TSHZ2: variants seen among roughly 807,000 people sequenced by gnomAD.
TSHZ2 encodes the protein teashirt zinc finger homeobox 2, also known as teashirt homolog 2.
Under a neutral mutation model 74.4 loss-of-function variants are expected in TSHZ2, and 21 were observed. The observed-to-expected ratio is 0.28, with a 90% CI of 0.20 to 0.41. TSHZ2 has a LOEUF of 0.41. Ranked by LOEUF, TSHZ2 falls within the 10% of genes least tolerant of loss-of-function variation. The pLI, the probability that TSHZ2 is intolerant of heterozygous loss-of-function variation, is 1.00. For synonymous variants in TSHZ2, 540 were observed against 515.3 expected (o/e 1.05, Z -0.65); for missense variants, 1,244 against 1,293.5 (o/e 0.96, Z 0.59).
intron 2 of TSHZ2, among the ~76,000 whole-genome samples, chr20:53,484,135 G>A (rs1466259083): frequency 6.6e-6 from 1 of 152,112 alleles, no homozygotes; most frequent in Non-Finnish European, 1.5e-5. Context: ...TTCTAGACCT[G>A]CCAGAGGATC....
At chr20:53,310,077 C>A (rs1227054289) in intron 2 of TSHZ2, among the ~76,000 whole-genome samples, 1 of 152,184 alleles carries the variant, frequency 6.6e-6, no homozygotes, top group South Asian at 2.1e-4. Context: ...TTCTTTTAAA[C>A]AAGTATTCTA....
chr20:53,171,706 G>C (rs1320560703), intron 1 of TSHZ2, among the ~76,000 whole-genome samples: 1 of 151,876 alleles, frequency 6.6e-6, no homozygotes, highest in Admixed American at 6.5e-5. Context: ...AAATAATTTT[G>C]TTGACTTTTC....
At chr20:53,004,343 A>G (rs998423027) in intron 1 of TSHZ2, among the ~76,000 whole-genome samples, 1 of 152,194 alleles carries the variant, frequency 6.6e-6, no homozygotes, top group African/African-American at 2.4e-5. Flanking sequence ...CTGATAGTGA[A>G]GACAAACTGA....
Position 53,253,784 on chromosome 20 carries a change from A to G in TSHZ2, c.326A>G (p.His109Arg), listed in dbSNP as rs749324690. 1 of 1,614,172 alleles carries G rather than the reference A, an allele frequency of 6.2e-7. No individual in the cohort carries two copies. Among genetic ancestry groups the G allele is most frequent in the Middle Eastern group, 1.6e-4 (1 of 6,062 alleles). The change falls in exon 2 of 3, where the codon CAC (histidine) becomes CGC (arginine). Residue 109 changes from histidine to arginine, a missense_variant. Transcript: ENST00000371497. ...CGRDASDKKAHTHVRLPNEAH... is the reference protein window; with the variant it reads ...CGRDASDKKARTHVRLPNEAH... ...AGAGATGCCTCAGACAAGAAAGCAC[A>G]CACTCACGTCAGGCTTCCAAACGAA...
At chr20:53,055,880 T>C (rs553230333) in intron 1 of TSHZ2, among the ~76,000 whole-genome samples, 85 of 152,332 alleles carry the variant, frequency 5.6e-4, no homozygotes, top group African/African-American at 1.9e-3. Context: ...CATGGCTGCT[T>C]TTGTGCTACC....
At chr20:53,155,214 A>G (rs979458027) in intron 1 of TSHZ2, among the ~76,000 whole-genome samples, 6 of 151,950 alleles carry the variant, frequency 3.9e-5, no homozygotes, top group African/African-American at 1.4e-4. Flanking sequence ...TTATTGTATC[A>G]ATTGTTTGAC....
chr20:53,442,461 A>G (rs1341007900), intron 2 of TSHZ2, among the ~76,000 whole-genome samples: 1 of 152,190 alleles, frequency 6.6e-6, no homozygotes, highest in East Asian at 1.9e-4. Context: ...GGGCTTAGGT[A>G]GACAGAGGGA....
chr20:53,448,533 C>T (rs1479610896), intron 2 of TSHZ2, among the ~76,000 whole-genome samples: 4 of 152,266 alleles, frequency 2.6e-5, no homozygotes, highest in South Asian at 4.2e-4. Flanking sequence ...TCTGTGTTTC[C>T]TCAAAATAAA....
intron 1 of TSHZ2, among the ~76,000 whole-genome samples, chr20:53,133,969 G>GGAAAA (rs561152326): frequency 7.8e-6 from 1 of 127,924 alleles, no homozygotes; most frequent in Middle Eastern, 4.2e-3. Flanking sequence ...CATTTTTTCT[G>GGAAAA]AAAAAAAAAA....
chr20:53,114,652 A>G (rs8117683), intron 1 of TSHZ2, among the ~76,000 whole-genome samples: 14,729 of 152,030 alleles, frequency 0.097, 1,516 homozygotes, highest in East Asian at 0.38. Context: ...TCTTTCCGCC[A>G]CTCTGGATCT....
intron 1 of TSHZ2, among the ~76,000 whole-genome samples, chr20:53,171,549 T>A (rs1178691323): frequency 1.8e-5 from 1 of 55,914 alleles, no homozygotes; most frequent in African/African-American, 1.3e-4. Flanking sequence ...TTCTAAATGT[T>A]TTTTTTTTCC....
chr20:53,325,308 T>C (rs1347126614), intron 2 of TSHZ2, among the ~76,000 whole-genome samples: 3 of 152,244 alleles, frequency 2.0e-5, no homozygotes, highest in African/African-American at 7.2e-5. Context: ...AGGGTATTGA[T>C]TTAACAGGGA....
intron 1 of TSHZ2, among the ~76,000 whole-genome samples, chr20:53,030,597 T>C (rs564843655): frequency 6.6e-6 from 1 of 152,340 alleles, no homozygotes; most frequent in African/African-American, 2.4e-5. Flanking sequence ...GAGATATTCT[T>C]AAATAGGTTA....
intron 1 of TSHZ2, among the ~76,000 whole-genome samples, chr20:53,195,337 T>C (rs1236360655): frequency 7.9e-5 from 12 of 152,066 alleles, no homozygotes; most frequent in Non-Finnish European, 2.9e-5. Context: ...CTGCATTTGG[T>C]TGAAAGCGAT....
In TSHZ2 at chr20:53,035,380, GTTTTTTGT is replaced by G. The variant is rs1272303615; in HGVS notation, c.40+62061_40+62068del. Among the ~76,000 whole-genome samples the G allele has an allele frequency of 6.6e-5, 10 of 152,186 alleles. No individual in the cohort carries two copies. The East Asian group carries it at 1.7e-3, about 26-fold the overall frequency. On this transcript the variant is annotated intron_variant, in intron 1 of 2. Coordinates refer to ENST00000371497, the MANE Select transcript of TSHZ2 (RefSeq NM_173485.6). ...AGCAGAGACTGATTTCTGGGATGAG[GTTTTTTGT>G]TTTTTTGTTTTTTAGTTTTTTAATT...
chr20:52,981,870 T>C (rs986345365), intron 1 of TSHZ2, among the ~76,000 whole-genome samples: 4 of 152,216 alleles, frequency 2.6e-5, no homozygotes, highest in African/African-American at 9.6e-5. Flanking sequence ...ACGGCAGTTA[T>C]TTCTTGAGTT....
chr20:53,031,915 AAGGG>A (rs937529079), intron 1 of TSHZ2, among the ~76,000 whole-genome samples: 13 of 151,980 alleles, frequency 8.6e-5, no homozygotes, highest in African/African-American at 1.2e-4. Flanking sequence ...GGAAAGAAGG[AAGGG>A]AGGGAGGGAG....
At position 53,062,686 on chromosome 20, in the gene TSHZ2, C is replaced by T. The variant is rs556910857; in HGVS notation, c.40+89353C>T. Among the ~76,000 whole-genome samples the T allele has an allele frequency of 9.8e-5, 15 of 152,318 alleles. No homozygotes were observed. The South Asian group carries it at 2.5e-3, about 25-fold the overall frequency. On this transcript the variant is annotated intron_variant, in intron 1 of 2. Coordinates refer to ENST00000371497, the MANE Select transcript of TSHZ2 (RefSeq NM_173485.6). ...TGATCTTCTATCCAGACCACTAAAA[C>T]GTACTCCATATCAGCAATAAGGCTG...
At position 53,255,905 on chromosome 20, in the gene TSHZ2, T is replaced by TC. The variant is rs1193207010; in HGVS notation, c.2454dup (p.Met819HisfsTer11). 3 of 1,612,750 alleles carry TC rather than the reference T, an allele frequency of 1.9e-6. No individual in the cohort carries two copies. The highest frequency in any genetic ancestry group is 2.5e-6 in the Non-Finnish European group (3 of 1,179,634). On this transcript the variant is annotated frameshift_variant, in exon 2 of 3. Coordinates refer to ENST00000371497, the MANE Select transcript of TSHZ2 (RefSeq NM_173485.6). LOFTEE classifies it high-confidence loss of function. The surrounding 1 kb of genome is among the most constrained non-coding windows in gnomAD (Gnocchi z 4.1). ...CCAAAGCCAGCCTCCTCCTCCAGGGTCCCCCCCATGAAGCTGGAAATGGAT... is the reference window on the plus strand; with the variant it reads ...CCAAAGCCAGCCTCCTCCTCCAGGGTCCCCCCCCATGAAGCTGGAAATGGAT...
Sources: allele counts gnomAD v4.1 joint callset (sites outside exome capture counted in the v4.1 genomes callset), GRCh38; gene constraint gnomAD v4.1.1; non-coding constraint Gnocchi (gnomAD v3.1); transcripts MANE v1.5; gene names NCBI Gene and HGNC (gene_info 2026-07-23, HGNC 2026-07-21).